The following ZZZ3 variants were observed in gnomAD, a reference collection of about 807,000 sequenced individuals.
The protein encoded by ZZZ3 is zinc finger ZZ-type containing 3, also known as ZZ-type zinc finger-containing protein 3.
Under a neutral mutation model 95.2 loss-of-function variants are expected in ZZZ3, and 22 were observed. The observed-to-expected ratio is 0.23, with a 90% CI of 0.17 to 0.33. ZZZ3 has a LOEUF of 0.33. Among genes scored for constraint, ZZZ3 ranks in the 10% least tolerant of loss-of-function variants. The pLI is 1.00. For missense variants in ZZZ3, 885 were observed against 1,066.5 expected, an observed-to-expected ratio of 0.83 and a Z score of 2.37; for synonymous variants, 335 against 358.9, an observed-to-expected ratio of 0.93 and a Z score of 0.75.
At chr1:77,647,444 G>A (rs1273821871) in intron 1 of ZZZ3, among the ~76,000 whole-genome samples, 4 of 151,836 alleles carry the variant, frequency 2.6e-5, no homozygotes, top group Non-Finnish European at 2.9e-5. Flanking sequence ...GCTTAAACCC[G>A]GGAGGTAGAG....
chr1:77,680,313 T>G (rs555336728), intron 1 of ZZZ3, among the ~76,000 whole-genome samples: 99 of 152,330 alleles, frequency 6.5e-4, no homozygotes, highest in African/African-American at 2.3e-3. Flanking sequence ...CCTCCAACTA[T>G]TATGAGCCTG....
chr1:77,579,153 T>A (rs1662254084), intron 10 of ZZZ3, among the ~76,000 whole-genome samples: 1 of 152,174 alleles, frequency 6.6e-6, no homozygotes, highest in Non-Finnish European at 1.5e-5. Flanking sequence ...TTAATATAGA[T>A]GGGAATATGA....
At chr1:77,676,217 A>C (rs1428169562) in intron 1 of ZZZ3, among the ~76,000 whole-genome samples, 1 of 152,104 alleles carries the variant, frequency 6.6e-6, no homozygotes, top group Non-Finnish European at 1.5e-5. Context: ...CCCAGGCTGG[A>C]GTGTAGGGGC....
At chr1:77,606,043 C>G (rs1034933669) in intron 5 of ZZZ3, among the ~76,000 whole-genome samples, 1 of 152,202 alleles carries the variant, frequency 6.6e-6, no homozygotes, top group African/African-American at 2.4e-5. Context: ...CTCTTGGGGT[C>G]CCCAATTCCA....
Position 77,568,481 on chromosome 1 carries a change from A to C in ZZZ3, c.2332-15T>G. ...CTTTCGTCATCCTATCAAAAAAAAA[A>C]AAAAAAAAAAATGTTGGTTTGGTAA... On this transcript the variant is annotated splice_polypyrimidine_tract_variant and intron_variant, in intron 12 of 14. Transcript: ENST00000370801. 8.4e-7 allele frequency: 1 copy of C among 1,190,264 alleles called. No individual in the cohort carries two copies. The highest frequency in any genetic ancestry group is 2.6e-5 in the Admixed American group (1 of 38,044). The allele number at this position is 1,190,264 out of a possible 1,614,324, so 73.7% of individuals were successfully genotyped here. A position where few individuals can be genotyped will look rare whatever the true frequency, so the allele number is the denominator to read the frequency against.
intron 5 of ZZZ3, among the ~76,000 whole-genome samples, chr1:77,590,370 C>T (rs1032170985): frequency 1.3e-5 from 2 of 152,098 alleles, no homozygotes; most frequent in South Asian, 2.1e-4. Context: ...AGCAAGACTC[C>T]GTCTCAAAAA....
chr1:77,615,415 C>G (rs898553516), intron 5 of ZZZ3, among the ~76,000 whole-genome samples: 2 of 152,278 alleles, frequency 1.3e-5, no homozygotes, highest in African/African-American at 4.8e-5. Context: ...AACTTGGCAT[C>G]TAGCTTCAAC....
chr1:77,624,408 C>T (rs569566787), intron 5 of ZZZ3, among the ~76,000 whole-genome samples: 1 of 152,266 alleles, frequency 6.6e-6, no homozygotes, highest in African/African-American at 2.4e-5. Flanking sequence ...CCCTTGTGTG[C>T]TCTGGGGAGG....
At chr1:77,592,443 A>G (rs1663799859) in intron 5 of ZZZ3, among the ~76,000 whole-genome samples, 1 of 152,144 alleles carries the variant, frequency 6.6e-6, no homozygotes, top group Admixed American at 6.5e-5. Context: ...CTGGGATTAC[A>G]GGTGCACACC....
At chr1:77,576,605 T>C (rs1254818955) in intron 11 of ZZZ3, among the ~76,000 whole-genome samples, 1 of 152,102 alleles carries the variant, frequency 6.6e-6, no homozygotes, top group Non-Finnish European at 1.5e-5. Context: ...CAGTAAAAAG[T>C]AAAAGGAAAA....
intron 1 of ZZZ3, among the ~76,000 whole-genome samples, chr1:77,654,280 A>T (rs1043596604): frequency 5.3e-5 from 8 of 152,030 alleles, no homozygotes; most frequent in Admixed American, 6.6e-5. Flanking sequence ...AATTTTAACT[A>T]TGCCACTTGA....
At chr1:77,597,751 G>A (rs565990743) in intron 5 of ZZZ3, among the ~76,000 whole-genome samples, 50 of 152,150 alleles carry the variant, frequency 3.3e-4, no homozygotes, top group African/African-American at 1.2e-3. Flanking sequence ...CTGAAAAACT[G>A]CTCCAGCCAA....
At chr1:77,608,403 G>A (rs1259490802) in intron 5 of ZZZ3, among the ~76,000 whole-genome samples, 1 of 152,174 alleles carries the variant, frequency 6.6e-6, no homozygotes, top group Non-Finnish European at 1.5e-5. Flanking sequence ...AGTATATGCA[G>A]TGAAAATATG....
At chr1:77,661,970 T>G (rs1199901007) in intron 1 of ZZZ3, among the ~76,000 whole-genome samples, 2 of 147,520 alleles carry the variant, frequency 1.4e-5, no homozygotes, top group Non-Finnish European at 1.5e-5. Context: ...GCACAAGCCA[T>G]GATGCCTGGC....
At chr1:77,586,803 C>A (rs1224356937) in intron 5 of ZZZ3, among the ~76,000 whole-genome samples, 1 of 152,158 alleles carries the variant, frequency 6.6e-6, no homozygotes, top group Non-Finnish European at 1.5e-5. Flanking sequence ...TACTCAGACA[C>A]TGCACCAGTA....
At chr1:77,573,897 G>C (rs933576337) in intron 12 of ZZZ3, among the ~76,000 whole-genome samples, 1 of 151,436 alleles carries the variant, frequency 6.6e-6, no homozygotes, top group African/African-American at 2.4e-5. Flanking sequence ...ATCAGAATCA[G>C]GTTAAGTATT....
intron 5 of ZZZ3, among the ~76,000 whole-genome samples, chr1:77,601,933 T>C (rs1362768498): frequency 6.6e-6 from 1 of 152,182 alleles, no homozygotes; most frequent in Non-Finnish European, 1.5e-5. Flanking sequence ...TGGGGACAGA[T>C]ACAGACAAAT....
chr1:77,644,062 C>CTTTTTTTTTTTTTTTTTTTTTTT (rs112932216), intron 1 of ZZZ3, among the ~76,000 whole-genome samples: 1 of 143,686 alleles, frequency 7.0e-6, no homozygotes. Context: ...AAATAACTTT[C>CTTTTTTTTTTTTTTTTTTTTTTT]TTTTTTTTTT....
intron 5 of ZZZ3, among the ~76,000 whole-genome samples, chr1:77,607,739 T>TA (rs1665387452): frequency 6.6e-6 from 1 of 151,904 alleles, no homozygotes; most frequent in African/African-American, 2.4e-5. Flanking sequence ...CTGGCGAACA[T>TA]GGTGAAACCT....
Sources: gnomAD v4.1 joint callset for allele counts (sites outside exome capture counted in the v4.1 genomes callset) on GRCh38, gnomAD v4.1.1 for gene constraint, MANE v1.5 for transcripts, NCBI Gene and HGNC (gene_info 2026-07-23, HGNC 2026-07-21) for gene names.